Variants in ARHGEF17 observed in about 807,000 individuals in gnomAD.
The protein encoded by ARHGEF17 is 164 kDa Rho-specific guanine-nucleotide exchange factor.
A neutral mutation model predicts 174.0 loss-of-function variants in ARHGEF17; 80 were observed. The observed-to-expected ratio is 0.46, with a 90% confidence interval of 0.38 to 0.55. The LOEUF is 0.55. ARHGEF17 is among the 20% of genes least tolerant of loss of function. The probability of loss-of-function intolerance (pLI) is 0.00; values close to 1 mark genes in which losing one functional copy is unlikely to be tolerated. For missense variants in ARHGEF17, 2,886 were observed against 2,839.7 expected (o/e 1.02, Z -0.37); for synonymous variants, 1,311 against 1,189.1 (o/e 1.10, Z -2.11).
At position 73,365,519 on chromosome 11, in the gene ARHGEF17, C is replaced by A; in HGVS notation, c.5680C>A (p.Leu1894Met). 6.2e-7 allele frequency: 1 copy of A among 1,614,152 alleles called. No homozygotes were observed. The highest frequency in any genetic ancestry group is 8.5e-7 in the Non-Finnish European group (1 of 1,180,040). ...CTACCATCCAGACACCTTTGAGCAG[C>A]TGGCAGAAGTAGACGTCACTCCTCC... ...CLYHPDTFEQLAEVDVTPPVH... is the reference protein window; with the variant it reads ...CLYHPDTFEQMAEVDVTPPVH... Residue 1894 changes from leucine to methionine, a missense_variant, in exon 19 of 21, where the codon CTG becomes ATG. Coordinates refer to ENST00000263674, the MANE Select transcript of ARHGEF17 (RefSeq NM_014786.4). The surrounding 1 kb of genome is among the most constrained non-coding windows in gnomAD (Gnocchi z 4.9).
intron 1 of ARHGEF17, among the ~76,000 whole-genome samples, chr11:73,319,317 C>T (rs576457296): frequency 1.0e-3 from 158 of 152,338 alleles, no homozygotes; most frequent in Admixed American, 1.7e-3. Context: ...CTGCCTCGAC[C>T]TCCCAAAGTG....
At chr11:73,359,198 T>C (rs531225933) in intron 9 of ARHGEF17, among the ~76,000 whole-genome samples, 1 of 152,340 alleles carries the variant, frequency 6.6e-6, no homozygotes, top group African/African-American at 2.4e-5. Context: ...AAGAAACTCA[T>C]TTAGGAAAAA....
chr11:73,363,565 A>G, intron 15 of ARHGEF17, 110 bp downstream of exon 15: 1 of 1,521,408 alleles, frequency 6.6e-7, no homozygotes, highest in East Asian at 2.3e-5. Flanking sequence ...GTCACACCTC[A>G]GGGGTACTGC....
chr11:73,308,642 G>C lies in ARHGEF17; in HGVS notation c.4G>C (p.Ala2Pro). 6.7e-7 allele frequency: 1 copy of C among 1,495,442 alleles called. No individual in the cohort carries two copies. Among genetic ancestry groups the C allele is most frequent in the Non-Finnish European group, 8.9e-7 (1 of 1,126,840 alleles). 92.6% of individuals were successfully genotyped at this position (1,495,442 alleles called of 1,614,324 possible). The change falls in exon 1 of 21, where the codon GCG (alanine) becomes CCG (proline). Residue 2 changes from alanine (A) to proline (P), a missense_variant. Ala to Pro is a conservative substitution (Grantham distance 27). Coordinates refer to ENST00000263674, the MANE Select transcript of ARHGEF17 (RefSeq NM_014786.4). M[A>P]DGAPRPQLYR... is the part of the protein sequence containing the mutation. ...CCCCGGAGTGAGTTACGCCACTATG[G>C]CGGACGGGGCACCCCGGCCCCAGCT...
intron 18 of ARHGEF17, chr11:73,364,941 A>G (rs1447315029): frequency 9.4e-6 from 3 of 318,750 alleles, no homozygotes; most frequent in Non-Finnish European, 1.7e-5. Flanking sequence ...TTATTGCTGC[A>G]CATGTCACTT....
In ARHGEF17 at chr11:73,310,494, G is replaced by A; in HGVS notation, c.1856G>A (p.Ser619Asn). 1 of 1,614,042 alleles carries A rather than the reference G, an allele frequency of 6.2e-7. No individual in the cohort carries two copies. Among genetic ancestry groups the A allele is most frequent in the East Asian group, 2.2e-5 (1 of 44,888 alleles). Reference sequence around the variant, plus strand: ...GATGGAAGCGATGCCCCCCCTGGAAGCCCTGACTGGGCAGGGGATGTGACC... The same window carrying A: ...GATGGAAGCGATGCCCCCCCTGGAAACCCTGACTGGGCAGGGGATGTGACC... The part of the protein sequence containing the change: ...QDDGSDAPPG[S>N]PDWAGDVTRG... Residue 619 changes from serine to asparagine, a missense_variant, in exon 1 of 21, where the codon AGC (serine) becomes AAC (asparagine). By Grantham distance (46) the Ser-to-Asn change is conservative. Coordinates refer to ENST00000263674, the MANE Select transcript of ARHGEF17 (RefSeq NM_014786.4).
chr11:73,359,823 T>C lies in ARHGEF17; in HGVS notation c.4088-11T>C. Reference sequence around the variant, plus strand: ...TCTGTATCAGTCCACGGCCTTCCTCTCTCCCTCTAGGGGCATCCCAAGCCA... The same window carrying C: ...TCTGTATCAGTCCACGGCCTTCCTCCCTCCCTCTAGGGGCATCCCAAGCCA... On this transcript the variant is annotated splice_polypyrimidine_tract_variant and intron_variant, in intron 9 of 20. Transcript: ENST00000263674. The C allele has an allele frequency of 6.3e-7, 1 of 1,580,642 alleles. No homozygotes were observed. The highest frequency in any genetic ancestry group is 8.6e-7 in the Non-Finnish European group (1 of 1,165,614).
Position 73,361,100 on chromosome 11 carries a change from G to A in ARHGEF17, c.4433G>A (p.Ser1478Asn), listed in dbSNP as rs143335635. The A allele has an allele frequency of 1.2e-6, 2 of 1,613,930 alleles. No homozygotes were observed. Among genetic ancestry groups the A allele is most frequent in the African/African-American group, 2.7e-5 (2 of 74,926 alleles). The change falls in exon 12 of 21, where the codon AGC becomes AAC. Residue 1478 changes from serine (S) to asparagine (N), a missense_variant. Physicochemically the swap from Ser to Asn is conservative, Grantham distance 46. Transcript: ENST00000263674. ...ATCTCCACTACAGCATCCAGCAAAA[G>A]CTGTCTAGACCCTGAGTTCCTGAAG... is the stretch of plus-strand genomic sequence containing the variant. ...EAKRKLASSK[S>N]CLDPEFLKAI...
Position 73,346,910 on chromosome 11 carries a change from C to T in ARHGEF17, c.3220C>T (p.Leu1074=). 1.3e-6 allele frequency: 2 copies of T among 1,530,500 alleles called. No individual in the cohort carries two copies. Among genetic ancestry groups the T allele is most frequent in the Non-Finnish European group, 1.8e-6 (2 of 1,132,002 alleles). The allele number at this position is 1,530,500 out of a possible 1,614,324, so 94.8% of individuals were successfully genotyped here. A position where few individuals can be genotyped will look rare whatever the true frequency, so the allele number is the denominator to read the frequency against. ...CATGCGGAAGCACGTGGCCATGACCCTGCTGGACACAGAGCAGTCGTATGT... is the reference window on the plus strand; with the variant it reads ...CATGCGGAAGCACGTGGCCATGACCTTGCTGGACACAGAGCAGTCGTATGT... The part of the protein sequence containing the change: ...VDMRKHVAMT[L]LDTEQSYVES... Residue 1074 remains leucine (L), a synonymous_variant, in exon 2 of 21, where the codon CTG becomes TTG. Transcript: ENST00000263674.
At chr11:73,334,626 C>T (rs1471507092) in intron 1 of ARHGEF17, among the ~76,000 whole-genome samples, 2 of 152,322 alleles carry the variant, frequency 1.3e-5, no homozygotes, top group East Asian at 3.9e-4. Context: ...CTCCTTCCTG[C>T]CTCAGCTCCT....
Position 73,362,430 on chromosome 11 carries a change from C to T in ARHGEF17, c.4695-3C>T. On this transcript the variant is annotated splice_region_variant and splice_polypyrimidine_tract_variant and intron_variant, in intron 13 of 20. Transcript: ENST00000263674. ...CTGTCATCCTCACTCCGTCTTCTCG[C>T]AGGGAGCCTCCTCCGTCGCTGAGGA... 6.5e-7 allele frequency: 1 copy of T among 1,547,390 alleles called. No individual in the cohort carries two copies. Among genetic ancestry groups the T allele is most frequent in the Non-Finnish European group, 8.7e-7 (1 of 1,152,236 alleles).
chr11:73,341,549 T>G (rs1865369272), intron 1 of ARHGEF17, among the ~76,000 whole-genome samples: 1 of 151,876 alleles, frequency 6.6e-6, no homozygotes, highest in South Asian at 2.1e-4. Flanking sequence ...CAACCTCAGG[T>G]GATCTGCCCG....
rs200820544 is a variant in ARHGEF17, at chr11:73,311,507, G to C, written c.2869G>C (p.Val957Leu). 1 of 1,613,014 alleles carries C rather than the reference G, an allele frequency of 6.2e-7. No homozygotes were observed. The highest frequency in any genetic ancestry group is 8.5e-7 in the Non-Finnish European group (1 of 1,180,036). ...LSRARPSSRH[V>L]RHASVPATFM... ...TCGGGCCCGGCCCTCCTCCAGACACGTTCGCCATGCCAGTGTGCCCGCCAC... is the reference window on the plus strand; with the variant it reads ...TCGGGCCCGGCCCTCCTCCAGACACCTTCGCCATGCCAGTGTGCCCGCCAC... Residue 957 changes from valine to leucine, a missense_variant, in exon 1 of 21, where the codon GTT becomes CTT. Coordinates refer to ENST00000263674, the MANE Select transcript of ARHGEF17 (RefSeq NM_014786.4).
At chr11:73,328,671 G>C (rs906684250) in intron 1 of ARHGEF17, among the ~76,000 whole-genome samples, 15 of 152,230 alleles carry the variant, frequency 9.9e-5, no homozygotes, top group African/African-American at 3.6e-4. Flanking sequence ...AAACAGAAGA[G>C]GGAAAGCAAA....
At position 73,357,087 on chromosome 11, in the gene ARHGEF17, C is replaced by T. The variant is rs373927165; in HGVS notation, c.3954C>T (p.Thr1318=). The change falls in exon 8 of 21, where the codon ACC becomes ACT. Residue 1318 remains threonine (T), a synonymous_variant. Coordinates refer to ENST00000263674, the MANE Select transcript of ARHGEF17 (RefSeq NM_014786.4). ...LFLFTDLIVC[T]TLKRKSGSLR... Reference sequence around the variant, plus strand: ...TGTTCACGGACCTCATCGTCTGCACCACTCTGAAGCGAAAGTCAGGCTCCC... The same window carrying T: ...TGTTCACGGACCTCATCGTCTGCACTACTCTGAAGCGAAAGTCAGGCTCCC... 8.2e-5 allele frequency: 133 copies of T among 1,614,086 alleles called. No individual in the cohort carries two copies. The highest frequency in any genetic ancestry group is 1.1e-4 in the Non-Finnish European group (128 of 1,180,052).
Position 73,365,598 on chromosome 11 carries a change from G to A in ARHGEF17, c.5725+34G>A. Reference sequence around the variant, plus strand: ...CTCAAACTACCACAGCACCCTCCTTGGAGCCTTTCTGCCCGATCGTAGAGG... The same window carrying A: ...CTCAAACTACCACAGCACCCTCCTTAGAGCCTTTCTGCCCGATCGTAGAGG... On this transcript the variant is annotated intron_variant, in intron 19 of 20. Transcript: ENST00000263674. The surrounding 1 kb of genome is among the most constrained non-coding windows in gnomAD (Gnocchi z 4.9). 1 of 1,611,172 alleles carries A rather than the reference G, an allele frequency of 6.2e-7. No homozygotes were observed. The highest frequency in any genetic ancestry group is 1.1e-5 in the South Asian group (1 of 91,052).
chr11:73,329,361 ATATATATATATATT>A (rs1181899828), intron 1 of ARHGEF17, among the ~76,000 whole-genome samples: 2 of 2,388 alleles, frequency 8.4e-4, no homozygotes, highest in Non-Finnish European at 9.4e-4. Context: ...ATATATATAT[ATATATATATATATT>A]TTTTTTTTTT....
chr11:73,329,353 A>T lies in ARHGEF17; in HGVS notation c.3192+17523A>T, dbSNP rs865833207. On this transcript the variant is annotated intron_variant, in intron 1 of 20. Transcript: ENST00000263674. ...TATATATATATATATATATATATAT[A>T]TATATATATATATATATATATTTTT... Among the ~76,000 whole-genome samples, 6 of 30,510 alleles carry T rather than the reference A, an allele frequency of 2.0e-4. 1 individual carries two copies. Among genetic ancestry groups the T allele is most frequent in the African/African-American group, 9.8e-4 (3 of 3,052 alleles). The allele number at this position is 30,510 out of a possible 152,430, so 20.0% of individuals were successfully genotyped here. A position where few individuals can be genotyped will look rare whatever the true frequency, so the allele number is the denominator to read the frequency against.
chr11:73,315,399 A>T (rs573147346), intron 1 of ARHGEF17, among the ~76,000 whole-genome samples: 20 of 151,468 alleles, frequency 1.3e-4, no homozygotes, highest in African/African-American at 4.8e-4. Flanking sequence ...CTCCACTCAG[A>T]CCCCCTCCCT....
Sources: gnomAD v4.1 joint callset for allele counts (sites outside exome capture counted in the v4.1 genomes callset) on GRCh38, gnomAD v4.1.1 for gene constraint, Gnocchi (gnomAD v3.1) non-coding constraint, MANE v1.5 for transcripts, NCBI Gene and HGNC (gene_info 2026-07-23, HGNC 2026-07-21) for gene names.